The following TTC19 variants were observed in gnomAD, a reference collection of about 807,000 sequenced individuals.
The protein encoded by TTC19 is tetratricopeptide repeat domain 19, also known as tetratricopeptide repeat protein 19, mitochondrial.
TTC19 carries 38 observed loss-of-function variants against 49.5 expected under a neutral mutation model. That is an observed-to-expected ratio of 0.77 (90% CI 0.59 to 1.01). TTC19 has a LOEUF of 1.01. Ranked by LOEUF, TTC19 falls within the 50% of genes least tolerant of loss-of-function variation. The pLI is 0.00. For missense variants in TTC19, 475 were observed against 477.7 expected (o/e 0.99, Z 0.05); for synonymous variants, 204 against 185.2 (o/e 1.10, Z -0.83).
chr17:16,001,728 A>C (rs1286795126), intron 2 of TTC19, among the ~76,000 whole-genome samples, 187 bp from the exon 3 acceptor site: 2 of 152,198 alleles, frequency 1.3e-5, no homozygotes, highest in Non-Finnish European at 2.9e-5. Context: ...ACCTAGCTGC[A>C]AGGGAGGCTG....
chr17:16,006,340 G>T, intron 6 of TTC19, 134 bp from the exon 7 acceptor site: 1 of 711,452 alleles, frequency 1.4e-6, no homozygotes, highest in South Asian at 1.5e-5. Flanking sequence ...AACCCCGGAG[G>T]TGGAGGTTGC....
intron 7 of TTC19, among the ~76,000 whole-genome samples, chr17:16,022,169 A>T (rs1971405030): frequency 6.6e-6 from 1 of 152,118 alleles, no homozygotes; most frequent in Non-Finnish European, 1.5e-5. Context: ...AACAGCTTTA[A>T]TTCCTGGATT....
intron 7 of TTC19, chr17:16,023,374 T>C (rs1487925930): frequency 6.6e-6 from 1 of 152,238 alleles, no homozygotes; most frequent in Non-Finnish European, 1.5e-5. Flanking sequence ...ACTGAACATC[T>C]TTTTAAATCG....
intron 3 of TTC19, 70 bp downstream of exon 3, chr17:16,002,095 C>T (rs1597449180): frequency 5.9e-6 from 6 of 1,016,810 alleles, no homozygotes; most frequent in African/African-American, 1.6e-5. Context: ...GTTAGTTCTT[C>T]TGATTTATAT....
In TTC19 at chr17:16,025,123, A is replaced by G. The variant is rs777418331; in HGVS notation, c.783A>G (p.Glu261=). 2.5e-6 allele frequency: 4 copies of G among 1,614,024 alleles called. No homozygotes were observed. The South Asian group carries it at 3.3e-5, about 13-fold the overall frequency. Residue 261 remains glutamate (E), a synonymous_variant, in exon 8 of 10, where the codon GAA becomes GAG. Coordinates refer to ENST00000261647, the MANE Select transcript of TTC19 (RefSeq NM_017775.4). ...KQPSQAQRMY[E]KALQISEEIQ... ...CGTCACAGGCACAAAGGATGTATGA[A>G]AAAGCTCTGCAGATTTCTGAAGAAA...
At chr17:16,000,484 T>C in intron 2 of TTC19, 1 of 1,181,248 alleles carries the variant, frequency 8.5e-7, no homozygotes, top group Middle Eastern at 3.1e-4. Flanking sequence ...GATGGCGCCC[T>C]AGGCATCACG....
At chr17:16,000,470 T>A in intron 2 of TTC19, 2 of 1,299,218 alleles carry the variant, frequency 1.5e-6, no homozygotes, top group Non-Finnish European at 2.0e-6. Context: ...CAAGTGCAAA[T>A]GGAGATGGCG....
chr17:16,039,994 T>TAAATTCGA, intron 2 of TTC19: 1 of 386,142 alleles, frequency 2.6e-6, no homozygotes, highest in Non-Finnish European at 4.9e-6. Flanking sequence ...TTCACCATAT[T>TAAATTCGA]GGTCAGGCTG....
intron 9 of TTC19, chr17:16,027,051 T>C: frequency 2.0e-6 from 1 of 508,438 alleles, no homozygotes; most frequent in South Asian, 2.1e-5. Context: ...GAAGTATCAT[T>C]TTGTCAGACA....
intron 7 of TTC19, among the ~76,000 whole-genome samples, chr17:16,018,581 A>G (rs572617398): frequency 1.3e-5 from 2 of 152,232 alleles, no homozygotes; most frequent in Admixed American, 6.5e-5. Flanking sequence ...GTCATGGCTC[A>G]CTGCAGCCTC....
At chr17:16,001,653 A>G (rs1007703115) in intron 2 of TTC19, among the ~76,000 whole-genome samples, 2 of 152,222 alleles carry the variant, frequency 1.3e-5, no homozygotes, top group Non-Finnish European at 2.9e-5. Context: ...TTCCTTATAA[A>G]ATATGTTGTA....
intron 7 of TTC19, 56 bp from the exon 8 acceptor site, chr17:16,024,961 G>A: frequency 6.5e-7 from 1 of 1,548,880 alleles, no homozygotes; most frequent in Non-Finnish European, 8.9e-7. Context: ...TGACATATTT[G>A]TGGGTCCTGG....
At chr17:16,018,930 AT>A (rs926153503) in intron 7 of TTC19, among the ~76,000 whole-genome samples, 3 of 152,040 alleles carry the variant, frequency 2.0e-5, no homozygotes, top group African/African-American at 7.2e-5. Context: ...TTGCTTTAGA[AT>A]TTTTTTTGGA....
At chr17:16,044,587 G>C (rs376496381) in exon 3 of TTC19, 2 of 543,514 alleles carry the variant, frequency 3.7e-6, no homozygotes, top group Admixed American at 4.4e-5. Context: ...CTACCACCAC[G>C]TCCGGCAGCG....
At chr17:16,044,888 G>A in exon 3 of TTC19, 2 of 720,772 alleles carry the variant, frequency 2.8e-6, no homozygotes, top group Non-Finnish European at 4.9e-6. Context: ...CTCCAGCTGA[G>A]AAGAAAGTGG....
chr17:16,025,422 A>C (rs1244098788), intron 8 of TTC19, among the ~76,000 whole-genome samples: 1 of 152,140 alleles, frequency 6.6e-6, no homozygotes, highest in Non-Finnish European at 1.5e-5. Context: ...CAACAGAGCA[A>C]CCTTTCTACA....
Position 16,028,456 on chromosome 17 carries a change from A to T in TTC19, c.*934A>T. The stretch of plus-strand genomic sequence containing the variant: ...ATTTCAGTATCTTCATCTCTAAACT[A>T]GGGAAACACTGGGATTCTTTCTTAG... On this transcript the variant is annotated 3_prime_UTR_variant, in exon 10 of 10. Coordinates refer to ENST00000261647, the MANE Select transcript of TTC19 (RefSeq NM_017775.4). 2.2e-6 allele frequency: 1 copy of T among 454,076 alleles called. No individual in the cohort carries two copies. Among genetic ancestry groups the T allele is most frequent in the Non-Finnish European group, 4.4e-6 (1 of 226,780 alleles). 28.1% of individuals were successfully genotyped at this position (454,076 alleles called of 1,614,324 possible).
At chr17:16,006,446 A>C in intron 6 of TTC19, 28 bp from the exon 7 acceptor site, 1 of 1,472,460 alleles carries the variant, frequency 6.8e-7, no homozygotes, top group East Asian at 2.3e-5. Flanking sequence ...GAAAAGGTAA[A>C]TGGCTGATTA....
At chr17:16,040,434 A>T (rs780267828) in intron 2 of TTC19, 2 of 1,613,144 alleles carry the variant, frequency 1.2e-6, no homozygotes, top group Admixed American at 3.3e-5. Context: ...TGTCTTTTCA[A>T]TCTTACCTGA....
Sources: gnomAD v4.1 joint callset for allele counts (sites outside exome capture counted in the v4.1 genomes callset) on GRCh38, gnomAD v4.1.1 for gene constraint, MANE v1.5 for transcripts, NCBI Gene and HGNC (gene_info 2026-07-23, HGNC 2026-07-21) for gene names.